Variants in MYRFL observed in about 807,000 individuals in gnomAD.
MYRFL encodes myelin regulatory factor like, also known as myelin regulatory factor-like protein.
A neutral mutation model predicts 109.4 loss-of-function variants in MYRFL; 88 were observed. The ratio of observed to expected loss-of-function variants is 0.80; its 90% CI spans 0.68 to 0.96. MYRFL has a LOEUF of 0.96. MYRFL is among the 40% of genes least tolerant of loss of function. The pLI is 0.00. For synonymous variants in MYRFL, 324 were observed against 320.9 expected (o/e 1.01, Z -0.10); for missense variants, 957 against 954.9 (o/e 1.00, Z -0.03).
At chr12:69,848,086 A>G (rs1883662945) in intron 1 of MYRFL, among the ~76,000 whole-genome samples, 1 of 152,054 alleles carries the variant, frequency 6.6e-6, no homozygotes, top group Non-Finnish European at 1.5e-5. Flanking sequence ...GCTTTTTTTC[A>G]TGGACATAAA....
chr12:69,827,018 T>G (rs931804583), intron 1 of MYRFL, among the ~76,000 whole-genome samples: 4 of 152,096 alleles, frequency 2.6e-5, no homozygotes, highest in African/African-American at 9.7e-5. Context: ...TGATCTGCAG[T>G]CCAGTGCTCT....
chr12:69,828,552 A>G lies in MYRFL; in HGVS notation c.46+2989A>G, dbSNP rs560625319. ...CTTTAACGTTTGCAAAGTTTAAGTT[A>G]ACTTGAAACTTTAACGTTTGCAAAG... On this transcript the variant is annotated intron_variant, in intron 1 of 24. Transcript: ENST00000552032. Among the ~76,000 whole-genome samples, 4 of 152,272 alleles carry G rather than the reference A, an allele frequency of 2.6e-5. No homozygotes were observed. In the East Asian group the frequency reaches 7.7e-4, roughly 29 times the overall value.
intron 1 of MYRFL, among the ~76,000 whole-genome samples, chr12:69,839,082 C>T (rs144880645): frequency 2.0e-5 from 3 of 152,230 alleles, no homozygotes; most frequent in South Asian, 2.1e-4. Flanking sequence ...ATTTTAGTAA[C>T]CGTAATGCTA....
chr12:69,903,545 C>T (rs917614324), intron 10 of MYRFL, 99 bp from the exon 11 acceptor site: 2 of 1,231,822 alleles, frequency 1.6e-6, no homozygotes, highest in South Asian at 3.0e-5. Context: ...TTATGAAAGA[C>T]TTAGATAATA....
At chr12:69,937,179 TA>T (rs1044451462) in intron 19 of MYRFL, among the ~76,000 whole-genome samples, 19 of 142,510 alleles carry the variant, frequency 1.3e-4, no homozygotes, top group African/African-American at 2.8e-4. Context: ...ATTTTCATGG[TA>T]AAAAAAAGTA....
chr12:69,869,584 G>A (rs563569672), intron 2 of MYRFL, among the ~76,000 whole-genome samples: 1 of 152,276 alleles, frequency 6.6e-6, no homozygotes, highest in African/African-American at 2.4e-5. Context: ...ACAGTCTTTC[G>A]TATTTGTTAT....
intron 15 of MYRFL, among the ~76,000 whole-genome samples, chr12:69,931,807 T>C (rs1345294738): frequency 1.3e-5 from 2 of 152,218 alleles, no homozygotes; most frequent in African/African-American, 4.8e-5. Flanking sequence ...TCTTGGCCTG[T>C]TCCCCATATG....
Position 69,879,211 on chromosome 12 carries a change from C to A in MYRFL, c.222C>A (p.Thr74=). The A allele has an allele frequency of 1.4e-6, 1 of 702,828 alleles. No homozygotes were observed. Among genetic ancestry groups the A allele is most frequent in the South Asian group, 1.5e-5 (1 of 67,590 alleles). 43.5% of individuals were successfully genotyped at this position (702,828 alleles called of 1,614,324 possible). The change falls in exon 4 of 25, where the codon ACC becomes ACA. Residue 74 remains threonine (T), a synonymous_variant. Transcript: ENST00000552032. ...PPQVKGACYP[T]LRPTAGRTPA... is the part of the protein sequence containing the mutation. ...TCTCCCCAGGTGCATGCTACCCAAC[C>A]CTGAGGCCCACAGCTGGGAGGACTC... is the stretch of plus-strand genomic sequence containing the variant.
intron 19 of MYRFL, among the ~76,000 whole-genome samples, chr12:69,942,830 C>T (rs539601942): frequency 6.6e-6 from 1 of 152,050 alleles, no homozygotes; most frequent in Admixed American, 6.5e-5. Flanking sequence ...TAAGCAACTT[C>T]AGCAAAGTCT....
At chr12:69,871,698 C>G (rs1222069320) in intron 2 of MYRFL, among the ~76,000 whole-genome samples, 1 of 152,166 alleles carries the variant, frequency 6.6e-6, no homozygotes, top group Non-Finnish European at 1.5e-5. Context: ...ATAAAATTGT[C>G]TAAAATTTTT....
At chr12:69,922,025 A>AG (rs1464409594) in intron 13 of MYRFL, among the ~76,000 whole-genome samples, 2 of 152,160 alleles carry the variant, frequency 1.3e-5, no homozygotes, top group Non-Finnish European at 2.9e-5. Flanking sequence ...GGGAAAAAAA[A>AG]GAGTATCAGT....
intron 13 of MYRFL, among the ~76,000 whole-genome samples, chr12:69,915,848 G>T (rs990533575): frequency 6.6e-6 from 1 of 151,846 alleles, no homozygotes; most frequent in African/African-American, 2.4e-5. Context: ...ATTTGTTTCT[G>T]TGATTCTTTC....
At chr12:69,945,049 G>T (rs1592888707) in intron 19 of MYRFL, among the ~76,000 whole-genome samples, 1 of 151,878 alleles carries the variant, frequency 6.6e-6, no homozygotes, top group East Asian at 1.9e-4. Context: ...TATAAAGAAA[G>T]AAAATATCTT....
rs138345228 is a variant in MYRFL, at chr12:69,956,311, T to C, written c.2450+874T>C. On this transcript the variant is annotated intron_variant, in intron 22 of 24. Transcript: ENST00000552032. ...TGCCTCCCCAGTGAGATGAGACATG[T>C]AAGGACACTGCCCTTTCCTGACACA... Among the ~76,000 whole-genome samples, 77 of 152,214 alleles carry C rather than the reference T, an allele frequency of 5.1e-4. 1 individual carries two copies. The highest frequency in any genetic ancestry group is 1.8e-3 in the African/African-American group (75 of 41,528).
At chr12:69,871,889 G>A (rs11177919) in intron 2 of MYRFL, among the ~76,000 whole-genome samples, 16,243 of 151,866 alleles carry the variant, frequency 0.11, 1,193 homozygotes, top group Middle Eastern at 0.17. Flanking sequence ...TCTTTTCCTC[G>A]TCAATAAACT....
chr12:69,892,961 A>T (rs1160596010), intron 7 of MYRFL, among the ~76,000 whole-genome samples: 1 of 152,246 alleles, frequency 6.6e-6, no homozygotes, highest in African/African-American at 2.4e-5. Flanking sequence ...GTTCACAAAG[A>T]TAATATAGTT....
At chr12:69,932,480 T>C in intron 15 of MYRFL, 33 bp from the exon 16 acceptor site, 1 of 1,430,762 alleles carries the variant, frequency 7.0e-7, no homozygotes, top group Non-Finnish European at 9.5e-7. Flanking sequence ...GAGTTGCTAA[T>C]TTATCACTGC....
chr12:69,878,886 T>G lies in MYRFL; in HGVS notation c.138-142T>G, dbSNP rs74101365. ...TGGGCCTGGTCTGCTGGGGTCTCAC[T>G]TCCCAAACCCCTCACCCCCCCATGC... On this transcript the variant is annotated intron_variant, in intron 2 of 24. Transcript: ENST00000552032. 0.01 allele frequency: 6,609 copies of G among 651,768 alleles called. 312 individuals are homozygous for G. In the African/African-American group the frequency reaches 0.1, roughly 10 times the overall value. The allele number at this position is 651,768 out of a possible 1,614,324, so 40.4% of individuals were successfully genotyped here.
At chr12:69,876,484 A>C (rs181160812) in intron 2 of MYRFL, among the ~76,000 whole-genome samples, 11 of 152,004 alleles carry the variant, frequency 7.2e-5, no homozygotes, top group Non-Finnish European at 1.0e-4. Context: ...GGAAAAAAAA[A>C]CGAAAAGAGC....
Sources: allele counts gnomAD v4.1 joint callset (sites outside exome capture counted in the v4.1 genomes callset), GRCh38; gene constraint gnomAD v4.1.1; transcripts MANE v1.5; gene names NCBI Gene and HGNC (gene_info 2026-07-23, HGNC 2026-07-21).